Variants in RAB3GAP1 observed in about 807,000 individuals in gnomAD.
RAB3GAP1 encodes RAB3 GTPase activating protein catalytic subunit 1.
RAB3GAP1 carries 86 observed loss-of-function variants against 130.7 expected under a neutral mutation model. That is an observed-to-expected ratio of 0.66 (90% CI 0.55 to 0.79). The LOEUF (loss-of-function observed/expected upper bound fraction) is 0.79. Ranked by LOEUF, RAB3GAP1 falls within the 30% of genes least tolerant of loss-of-function variation. RAB3GAP1 has a pLI of 0.00. For missense variants in RAB3GAP1, 1,029 were observed against 1,169.4 expected (o/e 0.88, Z 1.75); for synonymous variants, 367 against 401.7 (o/e 0.91, Z 1.03).
At position 135,168,978 on chromosome 2, in the gene RAB3GAP1, G is replaced by A; in HGVS notation, c.*197G>A. ...TTTCGTGGAGGGGGCAGCGAGGATG[G>A]GCTTGAGCTGTTGAGAGATTTCTGC... On this transcript the variant is annotated 3_prime_UTR_variant, in exon 24 of 24. Transcript: ENST00000264158. The A allele has an allele frequency of 1.7e-6, 1 of 603,794 alleles. No homozygotes were observed. Among genetic ancestry groups the A allele is most frequent in the Non-Finnish European group, 3.0e-6 (1 of 337,018 alleles). 37.4% of individuals were successfully genotyped at this position (603,794 alleles called of 1,614,324 possible). A position where few individuals can be genotyped will look rare whatever the true frequency, so the allele number is the denominator to read the frequency against.
At chr2:135,121,065 A>G in intron 8 of RAB3GAP1, 147 bp downstream of exon 8, 1 of 700,150 alleles carries the variant, frequency 1.4e-6, no homozygotes, top group South Asian at 1.7e-5. Context: ...TATTGCTTTC[A>G]TTGCCCTTAT....
chr2:135,061,917 T>C (rs539409862), intron 3 of RAB3GAP1, among the ~76,000 whole-genome samples: 1 of 152,340 alleles, frequency 6.6e-6, no homozygotes, highest in South Asian at 2.1e-4. Flanking sequence ...ACTTTTTCCA[T>C]TGAGTTGCTT....
At chr2:135,124,659 C>T (rs1033941479) in intron 9 of RAB3GAP1, among the ~76,000 whole-genome samples, 21 of 148,466 alleles carry the variant, frequency 1.4e-4, no homozygotes, top group African/African-American at 5.0e-4. Flanking sequence ...AGCAAGACTC[C>T]GTCTCAAAAA....
At chr2:135,161,701 A>C (rs896040010) in intron 19 of RAB3GAP1, among the ~76,000 whole-genome samples, 2 of 152,186 alleles carry the variant, frequency 1.3e-5, no homozygotes, top group African/African-American at 4.8e-5. Context: ...AAAAAAGTCC[A>C]CCACAAGTCA....
chr2:135,053,285 T>A (rs959234064), intron 2 of RAB3GAP1, among the ~76,000 whole-genome samples: 4 of 152,248 alleles, frequency 2.6e-5, no homozygotes, highest in Non-Finnish European at 2.9e-5. Context: ...ATAACCTTTT[T>A]AAAAAGTCTG....
chr2:135,143,114 A>G (rs1691892217), intron 17 of RAB3GAP1, among the ~76,000 whole-genome samples: 1 of 151,890 alleles, frequency 6.6e-6, no homozygotes, highest in Non-Finnish European at 1.5e-5. Context: ...TTTAAATTAG[A>G]TTTCTTTAAT....
At chr2:135,057,522 G>A (rs372557757) in intron 2 of RAB3GAP1, among the ~76,000 whole-genome samples, 2 of 152,068 alleles carry the variant, frequency 1.3e-5, no homozygotes, top group Admixed American at 6.5e-5. Context: ...AGCCTCCTGC[G>A]TAGCTGGGAT....
intron 13 of RAB3GAP1, among the ~76,000 whole-genome samples, chr2:135,131,132 G>T (rs1691525420): frequency 6.6e-6 from 1 of 152,238 alleles, no homozygotes; most frequent in African/African-American, 2.4e-5. Context: ...TGAGGCTGGA[G>T]AAGTAGCAGG....
At chr2:135,105,763 C>A (rs1185412361) in intron 5 of RAB3GAP1, among the ~76,000 whole-genome samples, 2 of 151,696 alleles carry the variant, frequency 1.3e-5, no homozygotes, top group African/African-American at 4.8e-5. Context: ...CTCTTCCCAG[C>A]CGCCATCCTG....
At chr2:135,142,197 TTC>T (rs1465517840) in intron 17 of RAB3GAP1, among the ~76,000 whole-genome samples, 1 of 152,220 alleles carries the variant, frequency 6.6e-6, no homozygotes, top group Non-Finnish European at 1.5e-5. Context: ...TATTTAAAGT[TTC>T]TGTTCATTTA....
At chr2:135,166,230 C>G (rs1692646001) in intron 23 of RAB3GAP1, among the ~76,000 whole-genome samples, 1 of 151,924 alleles carries the variant, frequency 6.6e-6, no homozygotes, top group Non-Finnish European at 1.5e-5. Context: ...ATTTTTAGTC[C>G]TGAGATTGTT....
chr2:135,087,797 A>G (rs1418570947), intron 3 of RAB3GAP1, among the ~76,000 whole-genome samples: 1 of 152,196 alleles, frequency 6.6e-6, no homozygotes, highest in Non-Finnish European at 1.5e-5. Context: ...ATACATGATC[A>G]GGTAATCTGT....
intron 7 of RAB3GAP1, among the ~76,000 whole-genome samples, chr2:135,117,495 GCTTCTT>G (rs1229163423): frequency 5.0e-4 from 21 of 42,240 alleles, no homozygotes; most frequent in East Asian, 1.4e-3. Flanking sequence ...TTCTTCTTCT[GCTTCTT>G]CTTCTTCTTC....
chr2:135,137,590 GAC>G (rs1691709892), intron 17 of RAB3GAP1, among the ~76,000 whole-genome samples: 1 of 152,114 alleles, frequency 6.6e-6, no homozygotes, highest in African/African-American at 2.4e-5. Flanking sequence ...GACCTTGATG[GAC>G]AGTGGAAGAA....
intron 7 of RAB3GAP1, among the ~76,000 whole-genome samples, chr2:135,117,642 T>TTCTGCTTCTG (rs1558784574): frequency 6.2e-5 from 9 of 145,600 alleles, no homozygotes; most frequent in African/African-American, 2.4e-4. Flanking sequence ...TTCTGCTTCT[T>TTCTGCTTCTG]CTTCTGCTTC....
intron 18 of RAB3GAP1, among the ~76,000 whole-genome samples, chr2:135,152,697 A>AGG: frequency 6.6e-6 from 1 of 152,212 alleles, no homozygotes; most frequent in Non-Finnish European, 1.5e-5. Flanking sequence ...CTAAGATGGT[A>AGG]GGGATGGTCA....
At chr2:135,089,322 C>T (rs1022109367) in intron 3 of RAB3GAP1, among the ~76,000 whole-genome samples, 24 of 152,000 alleles carry the variant, frequency 1.6e-4, no homozygotes, top group South Asian at 2.1e-4. Flanking sequence ...AGTCAGGCAG[C>T]GTGATACCTC....
At chr2:135,164,896 T>C (rs995303519) in intron 23 of RAB3GAP1, among the ~76,000 whole-genome samples, 200 bp downstream of exon 23, 1 of 152,212 alleles carries the variant, frequency 6.6e-6, no homozygotes, top group African/African-American at 2.4e-5. Flanking sequence ...ATTAAAATGA[T>C]AAGTATATTC....
At chr2:135,124,352 T>C in intron 9 of RAB3GAP1, 106 bp downstream of exon 9, 2 of 1,147,322 alleles carry the variant, frequency 1.7e-6, no homozygotes, top group Non-Finnish European at 2.6e-6. Context: ...CTGGGATGAA[T>C]GTAGTACTGG....
Sources: gnomAD v4.1 joint callset for allele counts (sites outside exome capture counted in the v4.1 genomes callset) on GRCh38, gnomAD v4.1.1 for gene constraint, MANE v1.5 for transcripts, NCBI Gene and HGNC (gene_info 2026-07-23, HGNC 2026-07-21) for gene names.